The following PDK3 variants were observed in gnomAD, a reference collection of about 807,000 sequenced individuals.
The protein encoded by PDK3 is pyruvate dehydrogenase kinase, isozyme 3.
A neutral mutation model predicts 32.0 loss-of-function variants in PDK3; 12 were observed. The observed-to-expected ratio is 0.37, with a 90% CI of 0.24 to 0.61. The LOEUF (loss-of-function observed/expected upper bound fraction) is 0.61. Ranked by LOEUF, PDK3 falls within the 20% of genes least tolerant of loss-of-function variation. PDK3 has a pLI of 0.65. For missense variants in PDK3, 188 were observed against 316.9 expected, an observed-to-expected ratio of 0.59 and a Z score of 3.09; for synonymous variants, 122 against 116.3, an observed-to-expected ratio of 1.05 and a Z score of -0.31.
intron 1 of PDK3, among the ~76,000 whole-genome samples, chrX:24,484,358 A>G (rs1164418721): frequency 8.9e-6 from 1 of 112,044 alleles, no homozygotes; most frequent in Non-Finnish European, 1.9e-5. Flanking sequence ...GTACTAATGG[A>G]CTCTTCAATC....
At chrX:24,542,495 G>A (rs1922912677) in exon 12 of PDK3, among the ~76,000 whole-genome samples, 1 of 112,790 alleles carries the variant, frequency 8.9e-6, no homozygotes, top group South Asian at 3.6e-4. Flanking sequence ...CAGTACGCCA[G>A]GTGATTTGTA....
intron 5 of PDK3, among the ~76,000 whole-genome samples, chrX:24,508,301 A>G (rs1467551120): frequency 2.7e-5 from 3 of 111,408 alleles, no homozygotes; most frequent in Non-Finnish European, 3.8e-5. Flanking sequence ...ATCTGCCCCC[A>G]TGATCCAATC....
intron 5 of PDK3, among the ~76,000 whole-genome samples, chrX:24,510,624 C>G (rs1922094016): frequency 8.9e-6 from 1 of 112,216 alleles, no homozygotes. Context: ...ATCTCCAGCA[C>G]TAATGCCCAT....
intron 2 of PDK3, among the ~76,000 whole-genome samples, chrX:24,496,399 A>T (rs1454846403): frequency 3.6e-5 from 4 of 109,784 alleles, no homozygotes; most frequent in African/African-American, 1.3e-4. Context: ...CGATGTCTAC[A>T]TCATGCCCCT....
chrX:24,486,754 C>G (rs766514272), intron 1 of PDK3, among the ~76,000 whole-genome samples: 4 of 111,382 alleles, frequency 3.6e-5, no homozygotes, highest in Non-Finnish European at 3.8e-5. Flanking sequence ...CCTCAGTCTC[C>G]TAAGTAGCTG....
At chrX:24,491,542 G>T (rs772550191) in intron 1 of PDK3, among the ~76,000 whole-genome samples, 112 of 110,808 alleles carry the variant, frequency 1.0e-3, no homozygotes, top group African/African-American at 3.5e-3. Context: ...ATAAGATATC[G>T]AGGGTAGGGG....
intron 1 of PDK3, among the ~76,000 whole-genome samples, chrX:24,483,080 T>C (rs143451821): frequency 6.2e-5 from 7 of 112,573 alleles, no homozygotes; most frequent in Non-Finnish European, 1.1e-4. Context: ...ACCTTGAATG[T>C]TAATTATCTT....
chrX:24,477,568 T>A (rs1432974356), intron 1 of PDK3, among the ~76,000 whole-genome samples: 1 of 111,853 alleles, frequency 8.9e-6, no homozygotes, highest in African/African-American at 3.3e-5. Flanking sequence ...TAACACTGTA[T>A]GTTGGTTTCC....
chrX:24,478,718 A>G (rs1482000710), intron 1 of PDK3, among the ~76,000 whole-genome samples: 1 of 112,127 alleles, frequency 8.9e-6, no homozygotes, highest in Non-Finnish European at 1.9e-5. Flanking sequence ...TGCACAGGTC[A>G]GCATTTATAT....
In PDK3 at chrX:24,528,294, G is replaced by T. The variant is rs1922570622; in HGVS notation, c.963+108G>T. ...TCACATTAGTGTAGTTGATTTAGAA[G>T]GTTGCGTGTATTATGGTTTGGAGGA... On this transcript the variant is annotated intron_variant, in intron 9 of 10. Coordinates refer to ENST00000379162, the MANE Select transcript of PDK3 (RefSeq NM_005391.5). 4 of 455,448 alleles carry T rather than the reference G, an allele frequency of 8.8e-6. No individual in the cohort carries two copies. The South Asian group carries it at 1.1e-4, about 12-fold the overall frequency. 37.5% of individuals were successfully genotyped at this position (455,448 alleles called of 1,213,427 possible).
intron 5 of PDK3, 138 bp downstream of exon 5, chrX:24,505,436 A>G: frequency 2.4e-6 from 1 of 412,755 alleles, no homozygotes; most frequent in Non-Finnish European, 4.2e-6. Flanking sequence ...CACTGGATCC[A>G]GATGAAATGT....
chrX:24,473,884 C>A (rs1377222515), intron 1 of PDK3, among the ~76,000 whole-genome samples: 1 of 111,797 alleles, frequency 8.9e-6, no homozygotes, highest in East Asian at 2.8e-4. Flanking sequence ...AATTTGAGTT[C>A]TCTTTCCCTT....
chrX:24,538,648 C>T (rs1233170424), downstream of PDK3, among the ~76,000 whole-genome samples: 2 of 110,600 alleles, frequency 1.8e-5, no homozygotes, highest in African/African-American at 6.6e-5. Flanking sequence ...GCGGTGGTGG[C>T]GGGTGCCTGT....
intron 9 of PDK3, among the ~76,000 whole-genome samples, chrX:24,529,930 G>T (rs1348756845): frequency 9.0e-6 from 1 of 111,530 alleles, no homozygotes; most frequent in African/African-American, 3.3e-5. Context: ...TCCACCCAGC[G>T]AACTCCTGCT....
chrX:24,486,605 T>G lies in PDK3; in HGVS notation c.107-8137T>G, dbSNP rs771173601. Among the ~76,000 whole-genome samples, 5 of 111,377 alleles carry G rather than the reference T, an allele frequency of 4.5e-5. No individual in the cohort carries two copies. In the South Asian group the frequency reaches 1.9e-3, roughly 42 times the overall value. ...GCGTGAAATCCCCAGTATTTGGCTC[T>G]TTGTCTCTGAAGTTCTGACTCACTC... On this transcript the variant is annotated intron_variant, in intron 1 of 10. Coordinates refer to ENST00000379162, the MANE Select transcript of PDK3 (RefSeq NM_005391.5).
chrX:24,491,488 A>G (rs1159097917), intron 1 of PDK3, among the ~76,000 whole-genome samples: 3 of 109,882 alleles, frequency 2.7e-5, no homozygotes, highest in African/African-American at 9.9e-5. Flanking sequence ...CTAAGAGGAA[A>G]AATCCAGGTT....
chrX:24,512,660 GGCTGAGACAGGAGAATC>G (rs1922152310), intron 5 of PDK3, among the ~76,000 whole-genome samples: 1 of 111,570 alleles, frequency 9.0e-6, no homozygotes, highest in Non-Finnish European at 1.9e-5. Context: ...CAACTCGGGA[GGCTGAGACAGGAGAATC>G]GCTTCAACAT....
downstream of PDK3, among the ~76,000 whole-genome samples, chrX:24,534,921 GCA>G (rs1005276644): frequency 7.1e-5 from 8 of 112,395 alleles, no homozygotes; most frequent in African/African-American, 2.6e-4. Context: ...TCGCACCACT[GCA>G]CACCAGCCTG....
chrX:24,527,323 A>T (rs1922547341), intron 7 of PDK3, among the ~76,000 whole-genome samples: 2 of 110,391 alleles, frequency 1.8e-5, no homozygotes, highest in Admixed American at 1.9e-4. Flanking sequence ...AAGAAGAAGA[A>T]GGAAAGAAAA....
Sources: gnomAD v4.1 joint callset for allele counts (sites outside exome capture counted in the v4.1 genomes callset) on GRCh38, gnomAD v4.1.1 for gene constraint, MANE v1.5 for transcripts, NCBI Gene and HGNC (gene_info 2026-07-23, HGNC 2026-07-21) for gene names.